The following PDIA5 variants were observed in gnomAD, a reference collection of about 807,000 sequenced individuals.
The protein encoded by PDIA5 is protein disulfide-isomerase A5.
A neutral mutation model predicts 77.6 loss-of-function variants in PDIA5; 58 were observed. The observed-to-expected ratio is 0.75, with a 90% CI of 0.61 to 0.93. The LOEUF is 0.93. PDIA5 is among the 40% of genes least tolerant of loss of function. The pLI, the probability that PDIA5 is intolerant of heterozygous loss-of-function variation, is 0.00. For missense variants in PDIA5, 630 were observed against 647.7 expected (o/e 0.97, Z 0.30); for synonymous variants, 250 against 252.1 (o/e 0.99, Z 0.08).
intron 1 of PDIA5, among the ~76,000 whole-genome samples, chr3:123,076,263 T>G (rs1402905269): frequency 6.6e-6 from 1 of 152,208 alleles, no homozygotes; most frequent in Non-Finnish European, 1.5e-5. Context: ...CTGGCTCTAC[T>G]GTTTTAGGCT....
intron 11 of PDIA5, among the ~76,000 whole-genome samples, chr3:123,139,009 G>A (rs184152069): frequency 8.5e-5 from 13 of 152,290 alleles, no homozygotes; most frequent in Admixed American, 3.3e-4. Flanking sequence ...AGACGAATCC[G>A]AGGGCTTTGG....
chr3:123,157,258 T>TG (rs1369280758), intron 15 of PDIA5, among the ~76,000 whole-genome samples: 5 of 152,212 alleles, frequency 3.3e-5, no homozygotes, highest in African/African-American at 2.4e-5. Flanking sequence ...CCATCTGGCC[T>TG]GGGGGGCTGA....
intron 2 of PDIA5, among the ~76,000 whole-genome samples, chr3:123,091,385 C>T (rs1934278205): frequency 6.6e-6 from 1 of 152,148 alleles, no homozygotes; most frequent in Non-Finnish European, 1.5e-5. Context: ...GCAGATCGCT[C>T]TCCCCACAAG....
chr3:123,119,761 G>A (rs1033964280), intron 8 of PDIA5, among the ~76,000 whole-genome samples: 3 of 152,170 alleles, frequency 2.0e-5, no homozygotes, highest in African/African-American at 7.2e-5. Context: ...CCCCCTCCTC[G>A]CTGCTGAAAC....
chr3:123,148,432 G>A (rs1331133152), intron 13 of PDIA5, among the ~76,000 whole-genome samples: 1 of 152,090 alleles, frequency 6.6e-6, no homozygotes, highest in African/African-American at 2.4e-5. Flanking sequence ...ACCTGGGCAT[G>A]GTGGTGTGCG....
intron 11 of PDIA5, among the ~76,000 whole-genome samples, chr3:123,133,487 T>C (rs553882903): frequency 6.6e-6 from 1 of 152,356 alleles, no homozygotes; most frequent in South Asian, 2.1e-4. Flanking sequence ...TTGCTGAGCT[T>C]GATGAATTAG....
In PDIA5 at chr3:123,068,625, T is replaced by A. The variant is rs1476589761; in HGVS notation, c.42+1419T>A. Among the ~76,000 whole-genome samples, 6 of 152,322 alleles carry A rather than the reference T, an allele frequency of 3.9e-5. No homozygotes were observed. The South Asian group carries it at 6.2e-4, about 16-fold the overall frequency. ...AGGTCCTGCTTTCCTCCCTTTCCCCTCCCTTTTGTGAAAACAAACGGCTTG... is the reference window on the plus strand; with the variant it reads ...AGGTCCTGCTTTCCTCCCTTTCCCCACCCTTTTGTGAAAACAAACGGCTTG... On this transcript the variant is annotated intron_variant, in intron 1 of 16. Coordinates refer to ENST00000316218, the MANE Select transcript of PDIA5 (RefSeq NM_006810.4).
At chr3:123,123,669 G>A (rs904820667) in intron 8 of PDIA5, among the ~76,000 whole-genome samples, 2 of 152,236 alleles carry the variant, frequency 1.3e-5, no homozygotes, top group African/African-American at 4.8e-5. Flanking sequence ...CTAGGAAAGA[G>A]TACAACCCGA....
At chr3:123,137,284 A>AT (rs2107972960) in intron 11 of PDIA5, among the ~76,000 whole-genome samples, 1 of 152,348 alleles carries the variant, frequency 6.6e-6, no homozygotes, top group East Asian at 1.9e-4. Flanking sequence ...ACATCTTTTC[A>AT]TGTGATAATC....
At chr3:123,141,884 C>T (rs769863374) in intron 11 of PDIA5, among the ~76,000 whole-genome samples, 65 of 152,232 alleles carry the variant, frequency 4.3e-4, no homozygotes, top group Admixed American at 9.2e-4. Flanking sequence ...TGTGCATCAG[C>T]TCTCCGTGTT....
At chr3:123,155,834 C>CT (rs1936010430) in intron 15 of PDIA5, among the ~76,000 whole-genome samples, 1 of 152,112 alleles carries the variant, frequency 6.6e-6, no homozygotes, top group Non-Finnish European at 1.5e-5. Flanking sequence ...GCAGGGGTGC[C>CT]TTACTTTCCT....
intron 11 of PDIA5, among the ~76,000 whole-genome samples, chr3:123,133,703 A>G (rs555721264): frequency 2.0e-5 from 3 of 152,304 alleles, no homozygotes; most frequent in African/African-American, 7.2e-5. Flanking sequence ...GCATACTTTC[A>G]CATTTGGCAG....
intron 3 of PDIA5, 36 bp from the exon 4 acceptor site, chr3:123,102,375 A>G (rs1333066460): frequency 6.6e-7 from 1 of 1,524,934 alleles, no homozygotes; most frequent in Non-Finnish European, 9.1e-7. Flanking sequence ...TGAGGACTTC[A>G]GGTAATAAAT....
In PDIA5 at chr3:123,120,759, T is replaced by C. The variant is rs550268879; in HGVS notation, c.610-3307T>C. On this transcript the variant is annotated intron_variant, in intron 8 of 16. Coordinates refer to ENST00000316218, the MANE Select transcript of PDIA5 (RefSeq NM_006810.4). ...TTTCCATCTGGCAGACTGTGAACTT[T>C]GCATTAAGTCCTTTCCCCAGGGGCC... Among the ~76,000 whole-genome samples the C allele has an allele frequency of 3.2e-3, 487 of 152,296 alleles. 4 individuals are homozygous for C. Among genetic ancestry groups the C allele is most frequent in the African/African-American group, 0.01 (421 of 41,552 alleles).
Position 123,116,356 on chromosome 3 carries a change from G to A in PDIA5, c.609+58G>A, listed in dbSNP as rs1934998081. The stretch of plus-strand genomic sequence containing the variant: ...GTCACTCTTGGACTTGGCGGAGGAA[G>A]GGTGCCAGGGGTGGGGTGGGGACAG... On this transcript the variant is annotated intron_variant, in intron 8 of 16. Coordinates refer to ENST00000316218, the MANE Select transcript of PDIA5 (RefSeq NM_006810.4). 10 of 1,349,256 alleles carry A rather than the reference G, an allele frequency of 7.4e-6. No individual in the cohort carries two copies. The Admixed American group carries it at 1.5e-4, about 20-fold the overall frequency. The allele number at this position is 1,349,256 out of a possible 1,614,324, so 83.6% of individuals were successfully genotyped here.
intron 11 of PDIA5, among the ~76,000 whole-genome samples, chr3:123,134,268 A>G (rs1272467410): frequency 1.3e-5 from 2 of 152,138 alleles, no homozygotes; most frequent in East Asian, 3.9e-4. Context: ...TGCCTGTAGT[A>G]AGTACCCAGT....
chr3:123,155,249 C>A (rs749743839), intron 15 of PDIA5, among the ~76,000 whole-genome samples: 1 of 152,230 alleles, frequency 6.6e-6, no homozygotes, highest in African/African-American at 2.4e-5. Flanking sequence ...TATGCTGAAC[C>A]ATTCCAGCAC....
At position 123,130,561 on chromosome 3, in the gene PDIA5, C is replaced by A. The variant is rs1935348836; in HGVS notation, c.855C>A (p.Asp285Glu). The change falls in exon 11 of 17, where the codon GAC becomes GAA. Residue 285 changes from aspartate to glutamate, a missense_variant. Transcript: ENST00000316218. ...GGSVYHLTDE[D>E]FDQFVKEHSS... is the part of the protein sequence containing the mutation. ...CCGTTTATCACCTGACCGATGAAGA[C>A]TTTGACCAGTTTGTGAAGGAACACT... 6.2e-7 allele frequency: 1 copy of A among 1,614,058 alleles called. No individual in the cohort carries two copies. Among genetic ancestry groups the A allele is most frequent in the African/African-American group, 1.3e-5 (1 of 74,932 alleles).
chr3:123,075,843 A>C (rs9847908), intron 1 of PDIA5, among the ~76,000 whole-genome samples: 20,296 of 152,232 alleles, frequency 0.13, 1,595 homozygotes, highest in Non-Finnish European at 0.18. Context: ...CTCTGCGGTA[A>C]AGCTACAAAA....
Sources: allele counts gnomAD v4.1 joint callset (sites outside exome capture counted in the v4.1 genomes callset), GRCh38; gene constraint gnomAD v4.1.1; transcripts MANE v1.5; gene names NCBI Gene and HGNC (gene_info 2026-07-23, HGNC 2026-07-21).